RPP30: variants seen among roughly 807,000 people sequenced by gnomAD.
RPP30 encodes the protein ribonuclease P/MRP subunit p30.
A neutral mutation model predicts 38.6 loss-of-function variants in RPP30; 36 were observed. The ratio of observed to expected loss-of-function variants is 0.93; its 90% confidence interval spans 0.71 to 1.23. RPP30 has a LOEUF of 1.23. RPP30 is among the 50% of genes most tolerant of loss of function. RPP30 has a pLI of 0.00. For missense variants in RPP30, 321 were observed against 321.7 expected, an observed-to-expected ratio of 1.00 and a Z score of 0.02; for synonymous variants, 126 against 112.7, an observed-to-expected ratio of 1.12 and a Z score of -0.75.
chr10:90,899,154 CTA>C (rs939762928), intron 10 of RPP30, among the ~76,000 whole-genome samples: 5 of 152,136 alleles, frequency 3.3e-5, no homozygotes, highest in Non-Finnish European at 5.9e-5. Flanking sequence ...GATTTTTAGA[CTA>C]TGGGTACAGA....
intron 6 of RPP30, among the ~76,000 whole-genome samples, 166 bp downstream of exon 6, chr10:90,886,067 A>G (rs1846996568): frequency 6.6e-6 from 1 of 152,240 alleles, no homozygotes; most frequent in Admixed American, 6.5e-5. Flanking sequence ...AAAGGGAGAA[A>G]GAAAGCTTAA....
intron 4 of RPP30, 87 bp from the exon 5 acceptor site, chr10:90,878,976 G>A (rs1336190746): frequency 8.9e-7 from 1 of 1,122,422 alleles, no homozygotes; most frequent in African/African-American, 1.6e-5. Context: ...TTCCATGATT[G>A]AAATATAAGT....
At position 90,892,076 on chromosome 10, in the gene RPP30, C is replaced by G. The variant is rs1489528863; in HGVS notation, c.433-2699C>G. Among the ~76,000 whole-genome samples the G allele has an allele frequency of 5.3e-5, 8 of 152,296 alleles. No individual in the cohort carries two copies. In the East Asian group the frequency reaches 1.2e-3, roughly 22 times the overall value. On this transcript the variant is annotated intron_variant, in intron 6 of 10. Transcript: ENST00000371703. ...ATTTTAGTACCAATGTATCTTGATT[C>G]AACTGTCACACACCTGTCCTTAGTA...
At chr10:90,894,988 A>G (rs1847123718) in intron 7 of RPP30, 97 bp downstream of exon 7, 3 of 888,696 alleles carry the variant, frequency 3.4e-6, no homozygotes, top group Non-Finnish European at 5.7e-6. Context: ...CTTAAAGCAG[A>G]ATGTTCTCAT....
intron 6 of RPP30, among the ~76,000 whole-genome samples, chr10:90,886,667 G>C (rs1847003987): frequency 6.6e-6 from 1 of 152,118 alleles, no homozygotes; most frequent in South Asian, 2.1e-4. Flanking sequence ...TGCTATTTTA[G>C]AGTAGTGGCT....
intron 2 of RPP30, 84 bp downstream of exon 2, chr10:90,875,008 T>G (rs1846833095): frequency 1.2e-6 from 1 of 857,248 alleles, no homozygotes; most frequent in African/African-American, 1.7e-5. Flanking sequence ...AGCTACAGAT[T>G]AGAATATTTC....
At position 90,895,870 on chromosome 10, in the gene RPP30, T is replaced by G. The variant is rs989517333; in HGVS notation, c.580-10T>G. ...TTTCTCATATCTACTCTTTGTTCATTTTATTTCAGCCTTTAGAAATAAGAG... is the reference window on the plus strand; with the variant it reads ...TTTCTCATATCTACTCTTTGTTCATGTTATTTCAGCCTTTAGAAATAAGAG... On this transcript the variant is annotated splice_polypyrimidine_tract_variant and intron_variant, in intron 8 of 10. Transcript: ENST00000371703. 1.3e-5 allele frequency: 21 copies of G among 1,586,624 alleles called. No individual in the cohort carries two copies. The highest frequency in any genetic ancestry group is 3.5e-5 in the Admixed American group (2 of 57,800).
At chr10:90,881,509 A>G (rs1414890773) in intron 5 of RPP30, among the ~76,000 whole-genome samples, 1 of 152,230 alleles carries the variant, frequency 6.6e-6, no homozygotes, top group East Asian at 1.9e-4. Flanking sequence ...AGAAAGCACA[A>G]AGTATTGACT....
At position 90,886,904 on chromosome 10, in the gene RPP30, G is replaced by C. The variant is rs538425219; in HGVS notation, c.432+1003G>C. ...GGAATTGGCTTGAGAATTAGAGGGA[G>C]ACAGTAAGAGGAGAAAATGGAAAAT... On this transcript the variant is annotated intron_variant, in intron 6 of 10. Transcript: ENST00000371703. Among the ~76,000 whole-genome samples, 11 of 152,260 alleles carry C rather than the reference G, an allele frequency of 7.2e-5. No individual in the cohort carries two copies. The Middle Eastern group carries it at 0.014, about 188-fold the overall frequency.
chr10:90,879,199 CT>C, intron 5 of RPP30, 65 bp downstream of exon 5: 1 of 1,289,880 alleles, frequency 7.8e-7, no homozygotes, highest in Non-Finnish European at 1.1e-6. Flanking sequence ...GATGTTCTGA[CT>C]TTGTAGATGA....
intron 2 of RPP30, 56 bp downstream of exon 2, chr10:90,874,980 T>C (rs757257768): frequency 1.4e-5 from 16 of 1,125,436 alleles, no homozygotes; most frequent in Non-Finnish European, 2.1e-5. Flanking sequence ...GTAATTCTGT[T>C]TGTATTGGTA....
downstream of RPP30, among the ~76,000 whole-genome samples, chr10:90,905,067 C>T (rs932334779): frequency 6.6e-6 from 1 of 151,992 alleles, no homozygotes; most frequent in African/African-American, 2.4e-5. Flanking sequence ...GTCATCAAAG[C>T]CAGAAAACAA....
chr10:90,872,609 G>A (rs1453316569), intron 1 of RPP30, among the ~76,000 whole-genome samples: 1 of 152,220 alleles, frequency 6.6e-6, no homozygotes, highest in Non-Finnish European at 1.5e-5. Flanking sequence ...AAATCGAAGG[G>A]AAGCGAAAGC....
chr10:90,888,717 C>T (rs1847034667), intron 6 of RPP30, among the ~76,000 whole-genome samples: 1 of 152,104 alleles, frequency 6.6e-6, no homozygotes, highest in African/African-American at 2.4e-5. Context: ...ACACCCCACC[C>T]CCTGATTCCA....
intron 6 of RPP30, among the ~76,000 whole-genome samples, chr10:90,893,263 T>C (rs573594646): frequency 7.2e-5 from 11 of 152,264 alleles, no homozygotes; most frequent in African/African-American, 2.2e-4. Context: ...TAAATCAAGA[T>C]GGACTGCCAG....
chr10:90,896,371 C>G lies in RPP30; in HGVS notation c.676C>G (p.Arg226Gly). Residue 226 changes from arginine to glycine, a missense_variant, in exon 10 of 11, where the codon CGA becomes GGA. Physicochemically the swap from Arg to Gly is moderately radical, Grantham distance 125. Transcript: ENST00000371703. Reference protein sequence around the residue: ...DAKAAVSTNCRAALLHGETRK... With the variant: ...DAKAAVSTNCGAALLHGETRK... ...CAAGGCTGCGGTGTCCACCAACTGC[C>G]GAGCAGCGCTTCTCCATGGAGGTAA... The G allele has an allele frequency of 6.2e-7, 1 of 1,613,958 alleles. No individual in the cohort carries two copies. Among genetic ancestry groups the G allele is most frequent in the Non-Finnish European group, 8.5e-7 (1 of 1,179,846 alleles).
chr10:90,907,354 T>C (rs985707749), downstream of RPP30, among the ~76,000 whole-genome samples: 3 of 152,122 alleles, frequency 2.0e-5, no homozygotes, highest in Admixed American at 2.0e-4. Flanking sequence ...ACAAACAAGA[T>C]TGGGAGTCAG....
intron 5 of RPP30, among the ~76,000 whole-genome samples, chr10:90,884,768 A>G (rs1261138351): frequency 3.3e-5 from 5 of 152,172 alleles, no homozygotes; most frequent in African/African-American, 7.2e-5. Flanking sequence ...GTTGGCACCA[A>G]TCCTATAGGT....
chr10:90,903,132 C>A, downstream of RPP30: 3 of 863,590 alleles, frequency 3.5e-6, no homozygotes, highest in South Asian at 2.8e-5. Flanking sequence ...TGGGGGTGAT[C>A]AGTAAAAACT....
Sources: allele counts gnomAD v4.1 joint callset (sites outside exome capture counted in the v4.1 genomes callset), GRCh38; gene constraint gnomAD v4.1.1; transcripts MANE v1.5; gene names NCBI Gene and HGNC (gene_info 2026-07-23, HGNC 2026-07-21).